OSBPL6: variants seen among roughly 807,000 people sequenced by gnomAD.
The protein encoded by OSBPL6 is oxysterol-binding protein-related protein 6.
Under a neutral mutation model 125.8 loss-of-function variants are expected in OSBPL6, and 49 were observed. The observed-to-expected ratio is 0.39, with a 90% CI of 0.31 to 0.49. The LOEUF is 0.49. OSBPL6 is among the 20% of genes least tolerant of loss of function. OSBPL6 has a pLI of 0.88. For missense variants in OSBPL6, 986 were observed against 1,135.4 expected (o/e 0.87, Z 1.89); for synonymous variants, 394 against 391.8 (o/e 1.01, Z -0.07).
intron 11 of OSBPL6, among the ~76,000 whole-genome samples, chr2:178,343,509 A>G (rs1299575508): frequency 1.3e-5 from 2 of 152,202 alleles, no homozygotes; most frequent in Non-Finnish European, 2.9e-5. Flanking sequence ...AAGAAGAAGA[A>G]AACAAAATGA....
chr2:178,210,824 AC>A (rs113195654), intron 1 of OSBPL6, among the ~76,000 whole-genome samples: 18,412 of 102,838 alleles, frequency 0.18, 1,145 homozygotes, highest in Middle Eastern at 0.27. Context: ...AAAAAAAAAA[AC>A]ACACACACAC....
chr2:178,233,310 T>G (rs1205522144), intron 1 of OSBPL6, among the ~76,000 whole-genome samples: 1 of 152,206 alleles, frequency 6.6e-6, no homozygotes, highest in Non-Finnish European at 1.5e-5. Context: ...GGCAACCAAC[T>G]TCCAATGCTG....
intron 1 of OSBPL6, among the ~76,000 whole-genome samples, chr2:178,216,439 T>A (rs886667793): frequency 6.6e-6 from 1 of 152,218 alleles, no homozygotes; most frequent in Non-Finnish European, 1.5e-5. Flanking sequence ...TAACAGATTG[T>A]AAGTCATTAC....
chr2:178,246,199 C>CTGTT (rs1306865364), intron 1 of OSBPL6, among the ~76,000 whole-genome samples: 8 of 152,182 alleles, frequency 5.3e-5, no homozygotes, highest in Admixed American at 5.2e-4. Flanking sequence ...AGAGTATTAG[C>CTGTT]TGTTTCTCCT....
At chr2:178,277,491 T>G (rs2092493758) in intron 1 of OSBPL6, among the ~76,000 whole-genome samples, 1 of 152,236 alleles carries the variant, frequency 6.6e-6, no homozygotes, top group African/African-American at 2.4e-5. Context: ...AGAGAAATAT[T>G]GTCAATTAGA....
chr2:178,207,740 G>A (rs1438956714), intron 1 of OSBPL6, among the ~76,000 whole-genome samples: 1 of 152,040 alleles, frequency 6.6e-6, no homozygotes, highest in African/African-American at 2.4e-5. Flanking sequence ...GGAGGAGGGT[G>A]GGAGATGGAG....
intron 2 of OSBPL6, among the ~76,000 whole-genome samples, chr2:178,301,105 C>T (rs1302401463): frequency 1.3e-5 from 2 of 151,498 alleles, no homozygotes; most frequent in African/African-American, 2.4e-5. Context: ...TAGAGGGACA[C>T]ATAATATAAA....
chr2:178,239,135 T>C (rs1047074579), intron 1 of OSBPL6, among the ~76,000 whole-genome samples: 8 of 152,196 alleles, frequency 5.3e-5, no homozygotes, highest in Non-Finnish European at 1.0e-4. Flanking sequence ...TCCCCAAACA[T>C]TTTTTGGCTG....
At chr2:178,316,133 T>C (rs13404410) in intron 3 of OSBPL6, among the ~76,000 whole-genome samples, 5,372 of 152,260 alleles carry the variant, frequency 0.035, 216 homozygotes, top group East Asian at 0.18. Flanking sequence ...AATTAAGAGC[T>C]GATTTCTCAA....
At chr2:178,220,058 A>G (rs2090270932) in intron 1 of OSBPL6, among the ~76,000 whole-genome samples, 1 of 152,192 alleles carries the variant, frequency 6.6e-6, no homozygotes, top group Non-Finnish European at 1.5e-5. Flanking sequence ...CTGTAGGTCT[A>G]AAAGCTGACC....
chr2:178,339,388 T>A (rs1457536652), intron 10 of OSBPL6, among the ~76,000 whole-genome samples: 1 of 152,222 alleles, frequency 6.6e-6, no homozygotes, highest in Non-Finnish European at 1.5e-5. Context: ...GAAGATATGC[T>A]TTAGATACTC....
intron 1 of OSBPL6, among the ~76,000 whole-genome samples, chr2:178,227,278 A>G (rs1406317717): frequency 6.6e-6 from 1 of 152,226 alleles, no homozygotes; most frequent in African/African-American, 2.4e-5. Flanking sequence ...TAACCATTCA[A>G]TTGGCAAGAA....
intron 3 of OSBPL6, among the ~76,000 whole-genome samples, chr2:178,307,496 G>T (rs556607176): frequency 6.6e-6 from 1 of 152,030 alleles, no homozygotes; most frequent in Non-Finnish European, 1.5e-5. Context: ...ACCTATATTC[G>T]GTTCTTTAGA....
chr2:178,379,148 G>A (rs1330613438), intron 15 of OSBPL6, among the ~76,000 whole-genome samples: 4 of 151,182 alleles, frequency 2.6e-5, no homozygotes, highest in South Asian at 2.1e-4. Context: ...CTCCAGCCTC[G>A]GTGACAGAAA....
At chr2:178,327,086 A>G (rs1243064706) in intron 4 of OSBPL6, among the ~76,000 whole-genome samples, 2 of 151,708 alleles carry the variant, frequency 1.3e-5, no homozygotes, top group Admixed American at 1.3e-4. Flanking sequence ...TGGGTGCACC[A>G]AAGTCTCAGA....
chr2:178,398,592 C>G lies in OSBPL6; in HGVS notation c.*3033C>G, dbSNP rs1254074641. 1 of 152,018 alleles carries G rather than the reference C, an allele frequency of 6.6e-6. No homozygotes were observed. Among genetic ancestry groups the G allele is most frequent in the Non-Finnish European group, 1.5e-5 (1 of 68,000 alleles). The allele number at this position is 152,018 out of a possible 1,614,324, so 9.4% of individuals were successfully genotyped here. On this transcript the variant is annotated 3_prime_UTR_variant, in exon 25 of 25. Transcript: ENST00000190611. The stretch of plus-strand genomic sequence containing the variant: ...TTTTCATGGATTATTTTTAAAATAC[C>G]TACCCCATAATTTTCAGGCAATTGT...
intron 1 of OSBPL6, among the ~76,000 whole-genome samples, chr2:178,254,483 G>C (rs957497267): frequency 3.3e-5 from 5 of 152,014 alleles, no homozygotes; most frequent in Admixed American, 2.6e-4. Flanking sequence ...AGCAGACTAA[G>C]ACAGACACCA....
intron 15 of OSBPL6, among the ~76,000 whole-genome samples, chr2:178,380,260 G>A (rs1035035763): frequency 4.6e-5 from 7 of 151,684 alleles, no homozygotes; most frequent in African/African-American, 7.3e-5. Flanking sequence ...CCTGGGTAAC[G>A]TAGCAAGACC....
In OSBPL6 at chr2:178,399,171, C is replaced by T. The variant is rs1319453186; in HGVS notation, c.*3612C>T. 6.6e-6 allele frequency: 1 copy of T among 152,100 alleles called. No individual in the cohort carries two copies. The highest frequency in any genetic ancestry group is 2.4e-5 in the African/African-American group (1 of 41,424). The allele number at this position is 152,100 out of a possible 1,614,324, so 9.4% of individuals were successfully genotyped here. A position where few individuals can be genotyped will look rare whatever the true frequency, so the allele number is the denominator to read the frequency against. On this transcript the variant is annotated 3_prime_UTR_variant, in exon 25 of 25. Coordinates refer to ENST00000190611, the MANE Select transcript of OSBPL6 (RefSeq NM_032523.4). ...GATATATAAAATGTATCTAATTAAA[C>T]AATTTTGAATCTATTTTGTGCTCTA...
Sources: allele counts gnomAD v4.1 joint callset (sites outside exome capture counted in the v4.1 genomes callset), GRCh38; gene constraint gnomAD v4.1.1; transcripts MANE v1.5; gene names NCBI Gene and HGNC (gene_info 2026-07-23, HGNC 2026-07-21).